Variants in RASA3 observed in about 807,000 individuals in gnomAD.
RASA3 encodes RAS p21 protein activator 3, also known as ras GTPase-activating protein 3.
RASA3 carries 73 observed loss-of-function variants against 110.0 expected under a neutral mutation model. That is an observed-to-expected ratio of 0.66 (90% CI 0.55 to 0.81). The LOEUF (loss-of-function observed/expected upper bound fraction) is 0.81, where lower values mean the gene tolerates loss of function less well. Among genes scored for constraint, RASA3 ranks in the 30% least tolerant of loss-of-function variants. The pLI is 0.00. For missense variants in RASA3, 976 were observed against 1,113.2 expected, an observed-to-expected ratio of 0.88 and a Z score of 1.75; for synonymous variants, 500 against 451.4, an observed-to-expected ratio of 1.11 and a Z score of -1.37.
At chr13:114,131,881 ACGCGCGCACGCAGGCACAGACG>A (rs2080525288) in intron 1 of RASA3, among the ~76,000 whole-genome samples, 1 of 151,396 alleles carries the variant, frequency 6.6e-6, no homozygotes, top group African/African-American at 2.4e-5. Flanking sequence ...ACACACAAAC[ACGCGCGCACGCAGGCACAGACG>A]CGCGCGCACA....
At position 113,996,690 on chromosome 13, in the gene RASA3, T is replaced by C; in HGVS notation, c.1982A>G (p.Asn661Ser). ...PERALYIQAN[N>S]CVEAKDWIDI... ...GATCCAGTCCTTGGCCTCCACGCAG[T>C]TGTTGGCCTGGATGTACAGCGCACG... The change falls in exon 21 of 24, where the codon AAC becomes AGC. Residue 661 changes from asparagine (N) to serine (S), a missense_variant. Asn to Ser is a conservative substitution (Grantham distance 46, BLOSUM62 1). Coordinates refer to ENST00000334062, the MANE Select transcript of RASA3 (RefSeq NM_007368.4). The C allele has an allele frequency of 6.2e-7, 1 of 1,613,820 alleles. No homozygotes were observed. The highest frequency in any genetic ancestry group is 1.1e-5 in the South Asian group (1 of 91,082).
At position 114,011,379 on chromosome 13, in the gene RASA3, G is replaced by T; in HGVS notation, c.1513-131C>A. 1 of 797,870 alleles carries T rather than the reference G, an allele frequency of 1.3e-6. No individual in the cohort carries two copies. The allele number at this position is 797,870 out of a possible 1,614,324, so 49.4% of individuals were successfully genotyped here. A position where few individuals can be genotyped will look rare whatever the true frequency, so the allele number is the denominator to read the frequency against. On this transcript the variant is annotated intron_variant, in intron 15 of 23. Coordinates refer to ENST00000334062, the MANE Select transcript of RASA3 (RefSeq NM_007368.4). The surrounding 1 kb of genome is among the most constrained non-coding windows in gnomAD (Gnocchi z 4.8). ...CTTGTGCATGAGCTACGGAGAAACA[G>T]GGGTAGCGACGCAGATGGGACTGGA...
Position 114,048,314 on chromosome 13 carries a change from C to CAAA in RASA3, c.277+3735_277+3737dup, listed in dbSNP as rs566493305. Reference sequence around the variant, plus strand: ...TGGGCGACAGAAAGAGACTCCGTCTCAAAAAAAAAAAAAAAGAAGAAGAAA... The same window carrying CAAA: ...TGGGCGACAGAAAGAGACTCCGTCTCAAAAAAAAAAAAAAAAAAGAAGAAGAAA... On this transcript the variant is annotated intron_variant, in intron 3 of 23. Coordinates refer to ENST00000334062, the MANE Select transcript of RASA3 (RefSeq NM_007368.4). The surrounding 1 kb of genome is among the most constrained non-coding windows in gnomAD (Gnocchi z 4.3). 2.6e-5 allele frequency among the ~76,000 whole-genome samples: 3 copies of CAAA among 114,418 alleles called. No individual in the cohort carries two copies. The highest frequency in any genetic ancestry group is 3.6e-5 in the Non-Finnish European group (2 of 54,832). 75.1% of individuals were successfully genotyped at this position (114,418 alleles called of 152,430 possible). A position where few individuals can be genotyped will look rare whatever the true frequency, so the allele number is the denominator to read the frequency against.
chr13:113,980,397 G>T (rs1255664547), intron 23 of RASA3, among the ~76,000 whole-genome samples: 1 of 136,192 alleles, frequency 7.3e-6, no homozygotes. Flanking sequence ...TCCCACGTGT[G>T]CACCACCTCC....
At chr13:114,091,752 T>C (rs2079891717) in intron 1 of RASA3, among the ~76,000 whole-genome samples, 1 of 152,066 alleles carries the variant, frequency 6.6e-6, no homozygotes. Context: ...TCCCCTTCTC[T>C]CCATTTGTTT....
intron 2 of RASA3, among the ~76,000 whole-genome samples, chr13:114,055,078 G>T (rs1277928598): frequency 6.6e-6 from 1 of 152,118 alleles, no homozygotes; most frequent in African/African-American, 2.4e-5. Context: ...ACAGGCACGT[G>T]TTTGTGTGTG....
At chr13:114,079,782 C>T (rs556641162) in intron 1 of RASA3, among the ~76,000 whole-genome samples, 12 of 152,302 alleles carry the variant, frequency 7.9e-5, no homozygotes, top group Admixed American at 5.9e-4. Flanking sequence ...CCTCTGGACA[C>T]GGGGGCTCCG....
chr13:114,022,670 G>GA (rs2053950801), intron 8 of RASA3, among the ~76,000 whole-genome samples: 1 of 152,194 alleles, frequency 6.6e-6, no homozygotes, highest in African/African-American at 2.4e-5. Context: ...AACATGAGGG[G>GA]ACCGCTGATC....
chr13:114,121,226 G>T (rs941302572), intron 1 of RASA3, among the ~76,000 whole-genome samples: 2 of 152,216 alleles, frequency 1.3e-5, no homozygotes, highest in Admixed American at 1.3e-4. Context: ...GGCCACCCGC[G>T]GGGCATTCGG....
At chr13:114,097,923 G>A (rs918745813) in intron 1 of RASA3, among the ~76,000 whole-genome samples, 1 of 152,206 alleles carries the variant, frequency 6.6e-6, no homozygotes, top group Non-Finnish European at 1.5e-5. Flanking sequence ...CAGACGGCCG[G>A]GGCCCCACCA....
At chr13:114,059,977 G>A (rs1015651158) in intron 2 of RASA3, among the ~76,000 whole-genome samples, 3 of 152,236 alleles carry the variant, frequency 2.0e-5, no homozygotes, top group Non-Finnish European at 4.4e-5. Flanking sequence ...GGCCTCGCTC[G>A]GGGGACAGGG....
At chr13:114,088,778 G>A (rs557473212) in intron 1 of RASA3, among the ~76,000 whole-genome samples, 1 of 152,230 alleles carries the variant, frequency 6.6e-6, no homozygotes, top group Non-Finnish European at 1.5e-5. Flanking sequence ...TTGAACTCCC[G>A]ACCTCAGGTG....
intron 22 of RASA3, among the ~76,000 whole-genome samples, chr13:113,983,487 G>T (rs943201511): frequency 7.1e-5 from 8 of 112,058 alleles, no homozygotes; most frequent in African/African-American, 2.3e-4. Flanking sequence ...TTTGAAGGTG[G>T]AATTGTTGAG....
intron 18 of RASA3, among the ~76,000 whole-genome samples, chr13:114,004,078 A>G (rs1189110680): frequency 6.6e-6 from 1 of 152,266 alleles, no homozygotes; most frequent in African/African-American, 2.4e-5. Flanking sequence ...ATTGGTTAAT[A>G]TATGATTAAG....
intron 2 of RASA3, among the ~76,000 whole-genome samples, chr13:114,064,783 G>A (rs2079417471): frequency 6.6e-6 from 1 of 152,364 alleles, no homozygotes; most frequent in Admixed American, 6.5e-5. Flanking sequence ...CTCCAGCCGA[G>A]GTCAGCAGCA....
In RASA3 at chr13:114,112,483, G is replaced by A. The variant is rs568164244; in HGVS notation, c.55+19952C>T. Among the ~76,000 whole-genome samples the A allele has an allele frequency of 2.8e-4, 42 of 152,294 alleles. No homozygotes were observed. The highest frequency in any genetic ancestry group is 2.1e-3 in the Admixed American group (32 of 15,298). On this transcript the variant is annotated intron_variant, in intron 1 of 23. Coordinates refer to ENST00000334062, the MANE Select transcript of RASA3 (RefSeq NM_007368.4). The surrounding 1 kb of genome is among the most constrained non-coding windows in gnomAD (Gnocchi z 4.8). ...CCGGGGTCTCAGATTTCAGCCGGACGGGAACTCTCTGCAGGGCCGGTGGAA... is the reference window on the plus strand; with the variant it reads ...CCGGGGTCTCAGATTTCAGCCGGACAGGAACTCTCTGCAGGGCCGGTGGAA...
intron 1 of RASA3, among the ~76,000 whole-genome samples, chr13:114,099,496 C>G (rs140299288): frequency 6.6e-6 from 1 of 151,848 alleles, no homozygotes; most frequent in South Asian, 2.1e-4. Context: ...CTCTGGTCAG[C>G]GCTTCTCAGA....
chr13:113,999,450 G>A (rs1477765667), intron 20 of RASA3, 135 bp downstream of exon 20: 2 of 690,980 alleles, frequency 2.9e-6, no homozygotes, highest in Non-Finnish European at 5.2e-6. Context: ...AACAACCCGA[G>A]TAACACGAAG....
Position 114,052,084 on chromosome 13 carries a change from T to A in RASA3, c.245A>T (p.Asp82Val). Residue 82 changes from aspartate (D) to valine (V), a missense_variant, in exon 3 of 24, where the codon GAT becomes GTT. Physicochemically the swap from Asp to Val is radical, Grantham distance 152. Around this residue, in one of 4 missense-constraint regions of RASA3, gnomAD observed 732 missense variants for 779.7 expected, o/e 0.94. Transcript: ENST00000334062. ...GGAATCCCTCCGGAAAACGTCTCTATCGAAAATGTAGAAGGACAGGTGACG... is the reference window on the plus strand; with the variant it reads ...GGAATCCCTCCGGAAAACGTCTCTAACGAAAATGTAGAAGGACAGGTGACG... Reference protein sequence around the residue: ...SFRHLSFYIFDRDVFRRDSII... With the variant: ...SFRHLSFYIFVRDVFRRDSII... The A allele has an allele frequency of 6.2e-7, 1 of 1,612,626 alleles. No homozygotes were observed. The highest frequency in any genetic ancestry group is 8.5e-7 in the Non-Finnish European group (1 of 1,178,992).
Sources: allele counts gnomAD v4.1 joint callset (sites outside exome capture counted in the v4.1 genomes callset), GRCh38; gene constraint gnomAD v4.1.1; regional missense constraint gnomAD v4.1.1; non-coding constraint Gnocchi (gnomAD v3.1); transcripts MANE v1.5; gene names NCBI Gene and HGNC (gene_info 2026-07-23, HGNC 2026-07-21).